The following SPIRE1 variants were observed in gnomAD, a reference collection of about 807,000 sequenced individuals.
SPIRE1 encodes protein spire homolog 1.
A neutral mutation model predicts 94.1 loss-of-function variants in SPIRE1; 40 were observed. That is an observed-to-expected ratio of 0.43 (90% CI 0.33 to 0.55). The LOEUF (loss-of-function observed/expected upper bound fraction) is 0.55, where lower values mean the gene tolerates loss of function less well. Ranked by LOEUF, SPIRE1 falls within the 20% of genes least tolerant of loss-of-function variation. The pLI, the probability that SPIRE1 is intolerant of heterozygous loss-of-function variation, is 0.06. For missense variants in SPIRE1, 838 were observed against 975.2 expected, an observed-to-expected ratio of 0.86 and a Z score of 1.87; for synonymous variants, 376 against 371.7, an observed-to-expected ratio of 1.01 and a Z score of -0.13.
intron 2 of SPIRE1, among the ~76,000 whole-genome samples, chr18:12,633,803 C>T (rs185895709): frequency 1.7e-3 from 263 of 152,100 alleles, no homozygotes; most frequent in Middle Eastern, 3.4e-3. Context: ...CACCCAACAC[C>T]CCCAATCTAA....
chr18:12,576,628 G>A (rs1215678566), intron 2 of SPIRE1, among the ~76,000 whole-genome samples: 1 of 140,442 alleles, frequency 7.1e-6, no homozygotes, highest in African/African-American at 2.6e-5. Flanking sequence ...AGTGGCTCAC[G>A]CCTGTAATCC....
At chr18:12,547,021 A>G in intron 2 of SPIRE1, 117 bp from the exon 3 acceptor site, 1 of 624,384 alleles carries the variant, frequency 1.6e-6, no homozygotes, top group Non-Finnish European at 2.8e-6. Flanking sequence ...CAACACATAC[A>G]CAAACCCTTT....
At position 12,469,443 on chromosome 18, in the gene SPIRE1, G is replaced by A. The variant is rs567728426; in HGVS notation, c.1405-4485C>T. 5.3e-3 allele frequency among the ~76,000 whole-genome samples: 795 copies of A among 150,810 alleles called. 4 individuals carry two copies. Among genetic ancestry groups the A allele is most frequent in the African/African-American group, 0.018 (754 of 41,182 alleles). ...ACTCCTGACCTCAAGTGATCCTCCC[G>A]CCTTGGCCTCCCAAAGTGCTGGGTT... On this transcript the variant is annotated intron_variant, in intron 10 of 16. Coordinates refer to ENST00000409402, the MANE Select transcript of SPIRE1 (RefSeq NM_001128626.2).
At chr18:12,614,295 T>C (rs1289911318) in intron 2 of SPIRE1, among the ~76,000 whole-genome samples, 1 of 152,078 alleles carries the variant, frequency 6.6e-6, no homozygotes, top group Non-Finnish European at 1.5e-5. Context: ...AAAAAAGATA[T>C]ATATATAATG....
chr18:12,529,492 G>A (rs1733055428), intron 4 of SPIRE1, among the ~76,000 whole-genome samples: 1 of 152,138 alleles, frequency 6.6e-6, no homozygotes, highest in Admixed American at 6.6e-5. Context: ...AAGGGTCAAG[G>A]AAGACAACAC....
chr18:12,498,409 A>G (rs2033538026), intron 6 of SPIRE1, among the ~76,000 whole-genome samples: 1 of 152,086 alleles, frequency 6.6e-6, no homozygotes, highest in Non-Finnish European at 1.5e-5. Flanking sequence ...CAAGCAAAAA[A>G]CTTTTTTGTA....
At position 12,449,412 on chromosome 18, in the gene SPIRE1, T is replaced by G; in HGVS notation, c.*226A>C. ...ACACACACAAAAGTAAGTTTCAAAC[T>G]GTTGTCCTCTCTCAGTGCAAACGAG... On this transcript the variant is annotated 3_prime_UTR_variant, in exon 17 of 17. Coordinates refer to ENST00000409402, the MANE Select transcript of SPIRE1 (RefSeq NM_001128626.2). The G allele has an allele frequency of 1.8e-6, 1 of 547,770 alleles. No individual in the cohort carries two copies. Among genetic ancestry groups the G allele is most frequent in the Non-Finnish European group, 3.2e-6 (1 of 309,228 alleles). 33.9% of individuals were successfully genotyped at this position (547,770 alleles called of 1,614,324 possible). A position where few individuals can be genotyped will look rare whatever the true frequency, so the allele number is the denominator to read the frequency against.
rs1341455234 is a variant in SPIRE1, at chr18:12,449,465, A to T, written c.*173T>A. The T allele has an allele frequency of 2.9e-6, 2 of 679,936 alleles. No homozygotes were observed. Among genetic ancestry groups the T allele is most frequent in the Admixed American group, 5.9e-5 (2 of 33,706 alleles). The allele number at this position is 679,936 out of a possible 1,614,324, so 42.1% of individuals were successfully genotyped here. A position where few individuals can be genotyped will look rare whatever the true frequency, so the allele number is the denominator to read the frequency against. ...ATTGGCGGACCTGTCACGTTTCATC[A>T]ATCGATACGAACACAGCATTCAGTC... On this transcript the variant is annotated 3_prime_UTR_variant, in exon 17 of 17. Transcript: ENST00000409402.
At chr18:12,615,702 T>A (rs1326289567) in intron 2 of SPIRE1, among the ~76,000 whole-genome samples, 1 of 152,056 alleles carries the variant, frequency 6.6e-6, no homozygotes, top group Non-Finnish European at 1.5e-5. Context: ...TGTACTTCAA[T>A]AAAATGTTCT....
In SPIRE1 at chr18:12,514,713, C is replaced by T. The variant is rs188736787; in HGVS notation, c.730-2182G>A. ...AGAATCCCCTAGGGAAGTTGGGGAGCGGTATCTTATCTGCCACACAGAAAC... is the reference window on the plus strand; with the variant it reads ...AGAATCCCCTAGGGAAGTTGGGGAGTGGTATCTTATCTGCCACACAGAAAC... On this transcript the variant is annotated intron_variant, in intron 4 of 16. Transcript: ENST00000409402. Among the ~76,000 whole-genome samples, 4 of 152,202 alleles carry T rather than the reference C, an allele frequency of 2.6e-5. No homozygotes were observed. In the East Asian group the frequency reaches 5.8e-4, roughly 22 times the overall value.
At position 12,582,083 on chromosome 18, in the gene SPIRE1, T is replaced by C. The variant is rs368973493; in HGVS notation, c.373-35179A>G. ...CAAACAAAACATCATGGGTACAACA[T>C]AGCAGACCAAAATCAAAATTGAGTC... is the stretch of plus-strand genomic sequence containing the variant. On this transcript the variant is annotated intron_variant, in intron 2 of 16. Coordinates refer to ENST00000409402, the MANE Select transcript of SPIRE1 (RefSeq NM_001128626.2). Among the ~76,000 whole-genome samples the C allele has an allele frequency of 9.9e-5, 15 of 152,262 alleles. No individual in the cohort carries two copies. In the East Asian group the frequency reaches 1.2e-3, roughly 12 times the overall value.
At chr18:12,461,434 A>ACATACATACATGTG (rs2031801225) in intron 12 of SPIRE1, among the ~76,000 whole-genome samples, 1 of 141,586 alleles carries the variant, frequency 7.1e-6, no homozygotes, top group Non-Finnish European at 1.5e-5. Context: ...GTGTGTATGT[A>ACATACATACATGTG]TGTATATACA....
chr18:12,613,940 G>A (rs2037213824), intron 2 of SPIRE1, among the ~76,000 whole-genome samples: 1 of 151,322 alleles, frequency 6.6e-6, no homozygotes, highest in Non-Finnish European at 1.5e-5. Flanking sequence ...ATGTGATAGT[G>A]GTTTAGATAT....
At chr18:12,528,278 G>C (rs2034582736) in intron 4 of SPIRE1, among the ~76,000 whole-genome samples, 1 of 152,170 alleles carries the variant, frequency 6.6e-6, no homozygotes, top group South Asian at 2.1e-4. Flanking sequence ...GAAGTTCACA[G>C]TCTAGTGGGA....
intron 2 of SPIRE1, among the ~76,000 whole-genome samples, chr18:12,633,185 TCCCAC>T (rs1205652619): frequency 6.6e-5 from 10 of 152,118 alleles, no homozygotes; most frequent in Non-Finnish European, 1.5e-4. Flanking sequence ...TCAAATCAAA[TCCCAC>T]CCCTTTGTGT....
intron 2 of SPIRE1, among the ~76,000 whole-genome samples, chr18:12,587,274 G>A (rs536842216): frequency 6.6e-6 from 1 of 152,198 alleles, no homozygotes; most frequent in East Asian, 1.9e-4. Flanking sequence ...ACTGGATTGG[G>A]CACAAGCTGA....
chr18:12,532,330 A>G (rs79500906), intron 4 of SPIRE1, among the ~76,000 whole-genome samples: 7,675 of 152,280 alleles, frequency 0.05, 280 homozygotes, highest in Admixed American at 0.085. Context: ...GGTAGATTTT[A>G]TATTTTAATA....
At chr18:12,454,536 G>C (rs574161114) in intron 12 of SPIRE1, 53 bp from the exon 13 acceptor site, 1 of 1,586,014 alleles carries the variant, frequency 6.3e-7, no homozygotes, top group East Asian at 2.2e-5. Context: ...TGTTCTGGAA[G>C]TGCAAAATTT....
chr18:12,657,983 C>T lies in SPIRE1; in HGVS notation c.-117G>A. On this transcript the variant is annotated 5_prime_UTR_variant, in exon 1 of 17. Coordinates refer to ENST00000409402, the MANE Select transcript of SPIRE1 (RefSeq NM_001128626.2). ...TCCCCGGAACCGCCGCCGCCCAACG[C>T]GGCCGCGCGCGCCGCCGCCGGGACC... 4 of 993,032 alleles carry T rather than the reference C, an allele frequency of 4.0e-6. No individual in the cohort carries two copies. The highest frequency in any genetic ancestry group is 4.8e-6 in the Non-Finnish European group (4 of 835,748). The allele number at this position is 993,032 out of a possible 1,614,324, so 61.5% of individuals were successfully genotyped here.
Sources: allele counts gnomAD v4.1 joint callset (sites outside exome capture counted in the v4.1 genomes callset), GRCh38; gene constraint gnomAD v4.1.1; transcripts MANE v1.5; gene names NCBI Gene and HGNC (gene_info 2026-07-23, HGNC 2026-07-21).